The following FRMD4A variants were observed in gnomAD, a reference collection of about 807,000 sequenced individuals.
FRMD4A encodes FERM domain-containing protein 4A.
Under a neutral mutation model 129.1 loss-of-function variants are expected in FRMD4A, and 29 were observed. The observed-to-expected ratio is 0.22, with a 90% CI of 0.17 to 0.31. The LOEUF is 0.31. Among genes scored for constraint, FRMD4A ranks in the 10% least tolerant of loss-of-function variants. The pLI, the probability that FRMD4A is intolerant of heterozygous loss-of-function variation, is 1.00. For synonymous variants in FRMD4A, 634 were observed against 571.6 expected (o/e 1.11, Z -1.56); for missense variants, 1,272 against 1,375.8 (o/e 0.92, Z 1.19).
intron 2 of FRMD4A, among the ~76,000 whole-genome samples, chr10:14,232,519 G>C (rs145422065): frequency 1.4e-4 from 21 of 145,898 alleles, no homozygotes; most frequent in African/African-American, 5.0e-4. Flanking sequence ...AATTGCTTTG[G>C]GTAGTATGGA....
At chr10:14,087,116 C>T (rs1836328319) in intron 2 of FRMD4A, among the ~76,000 whole-genome samples, 1 of 151,486 alleles carries the variant, frequency 6.6e-6, no homozygotes, top group Non-Finnish European at 1.5e-5. Flanking sequence ...GGGGGGTGGG[C>T]ATGTGGTTTG....
At chr10:13,964,850 T>C (rs111241628) in intron 2 of FRMD4A, among the ~76,000 whole-genome samples, 40 of 152,036 alleles carry the variant, frequency 2.6e-4, no homozygotes, top group African/African-American at 7.7e-4. Flanking sequence ...CACAGCCAGC[T>C]GATTTTTGTA....
chr10:14,316,775 A>G (rs984771837), intron 2 of FRMD4A, among the ~76,000 whole-genome samples: 3 of 152,236 alleles, frequency 2.0e-5, no homozygotes, highest in Admixed American at 6.5e-5. Context: ...ATAAGAGCAG[A>G]GCCAAAAGAT....
intron 2 of FRMD4A, among the ~76,000 whole-genome samples, chr10:14,097,717 T>C (rs1274478246): frequency 2.0e-5 from 3 of 151,336 alleles, no homozygotes; most frequent in Non-Finnish European, 2.9e-5. Flanking sequence ...TATTTTAGGG[T>C]GTCCAGTAAA....
At chr10:14,198,653 A>G (rs184695166) in intron 2 of FRMD4A, among the ~76,000 whole-genome samples, 2 of 152,308 alleles carry the variant, frequency 1.3e-5, no homozygotes, top group East Asian at 3.9e-4. Context: ...TTGTTGAACA[A>G]ATCAGTATTT....
intron 2 of FRMD4A, among the ~76,000 whole-genome samples, chr10:14,280,864 A>G (rs929161413): frequency 1.3e-5 from 2 of 152,022 alleles, no homozygotes; most frequent in African/African-American, 2.4e-5. Context: ...CTCAATATCT[A>G]TACATTGAAG....
rs1201563891 is a variant in FRMD4A, at chr10:13,684,910, C to A, written c.1117+8988G>T. On this transcript the variant is annotated intron_variant, in intron 15 of 24. Transcript: ENST00000357447. ...AATGAAGAAGGCGGTATATTCCCAG[C>A]AGATCAGTAAAAGCTGTAAGGAAAA... is the stretch of plus-strand genomic sequence containing the variant. 4 of 984,088 alleles carry A rather than the reference C, an allele frequency of 4.1e-6. No homozygotes were observed. In the African/African-American group the frequency reaches 7.0e-5, roughly 17 times the overall value. The allele number at this position is 984,088 out of a possible 1,614,324, so 61.0% of individuals were successfully genotyped here.
intron 2 of FRMD4A, among the ~76,000 whole-genome samples, chr10:14,320,831 C>T (rs1402469006): frequency 6.6e-6 from 1 of 152,212 alleles, no homozygotes; most frequent in East Asian, 1.9e-4. Context: ...CTGGAGTCTG[C>T]TGAACTCCTT....
chr10:13,687,704 G>A (rs552213570), intron 15 of FRMD4A, among the ~76,000 whole-genome samples: 1 of 152,316 alleles, frequency 6.6e-6, no homozygotes, highest in East Asian at 1.9e-4. Flanking sequence ...AGCTACAAAT[G>A]TGGAAGCAAT....
chr10:14,104,464 C>T (rs1030208554), intron 2 of FRMD4A, among the ~76,000 whole-genome samples: 9 of 152,230 alleles, frequency 5.9e-5, no homozygotes, highest in Admixed American at 2.0e-4. Flanking sequence ...CTTCTCTAAG[C>T]GGGTTTCCTT....
At chr10:13,887,704 A>G (rs1283789665) in intron 2 of FRMD4A, among the ~76,000 whole-genome samples, 1 of 152,154 alleles carries the variant, frequency 6.6e-6, no homozygotes, top group African/African-American at 2.4e-5. Flanking sequence ...AACTGAACGC[A>G]CACACACACT....
chr10:13,700,240 G>A (rs199698457), intron 14 of FRMD4A, among the ~76,000 whole-genome samples: 5 of 150,818 alleles, frequency 3.3e-5, no homozygotes, highest in East Asian at 3.9e-4. Context: ...GAGCCACTGT[G>A]CCCAGCCCTG....
At chr10:14,134,868 A>G (rs1839455160) in intron 2 of FRMD4A, among the ~76,000 whole-genome samples, 2 of 152,228 alleles carry the variant, frequency 1.3e-5, no homozygotes, top group South Asian at 2.1e-4. Context: ...AAAGAAAAAC[A>G]GAAGACTTAC....
At chr10:13,898,111 G>A (rs1457458166) in intron 2 of FRMD4A, among the ~76,000 whole-genome samples, 2 of 152,012 alleles carry the variant, frequency 1.3e-5, no homozygotes, top group African/African-American at 4.8e-5. Context: ...GGTGGCTCAT[G>A]CCTGTAATCC....
At chr10:13,873,264 A>T (rs1345146228) in intron 2 of FRMD4A, among the ~76,000 whole-genome samples, 1 of 62,136 alleles carries the variant, frequency 1.6e-5, no homozygotes, top group East Asian at 4.4e-4. Flanking sequence ...AAAAAAAGAT[A>T]AGGCTGAAAA....
In FRMD4A at chr10:13,660,466, G is replaced by A. The variant is rs1250073457; in HGVS notation, c.1748C>T (p.Pro583Leu). The A allele has an allele frequency of 6.2e-7, 1 of 1,614,124 alleles. No individual in the cohort carries two copies. The highest frequency in any genetic ancestry group is 8.5e-7 in the Non-Finnish European group (1 of 1,179,952). The part of the protein sequence containing the change: ...PPRPPSHNRP[P>L]PPQSLEGLRQ... ...GAGTCCCTCCAGGGACTGGGGAGGA[G>A]GAGGCCTGTTGTGCGACGGTGGCCG... The change falls in exon 20 of 25, where the codon CCT (proline) becomes CTT (leucine). Residue 583 changes from proline to leucine, a missense_variant. Pro to Leu is a moderately conservative substitution (Grantham distance 98, BLOSUM62 -3). Around this residue, in one of 2 missense-constraint regions of FRMD4A, gnomAD observed 972 missense variants for 892.3 expected, o/e 1.09. Coordinates refer to ENST00000357447, the MANE Select transcript of FRMD4A (RefSeq NM_018027.5).
chr10:13,726,894 G>A (rs35537139), intron 12 of FRMD4A, among the ~76,000 whole-genome samples: 40,345 of 149,130 alleles, frequency 0.27, 6,161 homozygotes, highest in Middle Eastern at 0.36. Flanking sequence ...TAGCCTGGCC[G>A]TTAGTTTGCT....
chr10:14,019,292 T>G (rs561978355), intron 2 of FRMD4A, among the ~76,000 whole-genome samples: 1 of 152,280 alleles, frequency 6.6e-6, no homozygotes, highest in Admixed American at 6.5e-5. Context: ...ATAGCTCTAT[T>G]GAAAATCTTA....
chr10:13,967,428 CAG>C (rs2095492374), intron 2 of FRMD4A, among the ~76,000 whole-genome samples: 1 of 152,136 alleles, frequency 6.6e-6, no homozygotes, highest in Non-Finnish European at 1.5e-5. Context: ...AAATTGGGTG[CAG>C]TGTATACTGC....
Sources: allele counts gnomAD v4.1 joint callset (sites outside exome capture counted in the v4.1 genomes callset), GRCh38; gene constraint gnomAD v4.1.1; regional missense constraint gnomAD v4.1.1; transcripts MANE v1.5; gene names NCBI Gene and HGNC (gene_info 2026-07-23, HGNC 2026-07-21).